Variants in PICALM observed in about 807,000 individuals in gnomAD.
The protein encoded by PICALM is phosphatidylinositol binding clathrin assembly protein.
In PICALM, 40 loss-of-function variants were observed where a neutral mutation model predicts 80.5. The observed-to-expected ratio is 0.50, with a 90% CI of 0.39 to 0.65. The LOEUF is 0.65. PICALM is among the 30% of genes least tolerant of loss of function. PICALM has a pLI of 0.00. For synonymous variants in PICALM, 288 were observed against 260.3 expected, an observed-to-expected ratio of 1.11 and a Z score of -1.02; for missense variants, 676 against 778.9, an observed-to-expected ratio of 0.87 and a Z score of 1.57.
intron 19 of PICALM, chr11:85,960,532 C>T: frequency 2.8e-6 from 1 of 356,434 alleles, no homozygotes; most frequent in Non-Finnish European, 5.3e-6. Context: ...TCATTCTGCA[C>T]CTAAAGAATA....
rs548808584 is a variant in PICALM at position 86,039,775 on chromosome 11, G to A, written c.131-8164C>T. 4.6e-5 allele frequency among the ~76,000 whole-genome samples: 7 copies of A among 152,070 alleles called. No individual in the cohort carries two copies. In the South Asian group the frequency reaches 1.2e-3, roughly 27 times the overall value. On this transcript the variant is annotated intron_variant, in intron 1 of 19. Transcript: ENST00000393346. ...CAAAATCATTTTGGGAGGCCGAGGC[G>A]GGCAGATCACGAGGTCAGGAGAGCG...
chr11:85,987,433 T>C (rs2094606518), intron 13 of PICALM, among the ~76,000 whole-genome samples: 1 of 152,216 alleles, frequency 6.6e-6, no homozygotes, highest in African/African-American at 2.4e-5. Flanking sequence ...ATAACTATTA[T>C]TAAAAACAAC....
At chr11:86,026,230 TG>T in intron 3 of PICALM, 61 bp downstream of exon 3, 2 of 877,162 alleles carry the variant, frequency 2.3e-6, no homozygotes, top group South Asian at 1.4e-5. Context: ...AGTTCTACTC[TG>T]GAGTAATCAT....
At chr11:85,988,191 A>G (rs1193167667) in intron 13 of PICALM, among the ~76,000 whole-genome samples, 1 of 152,232 alleles carries the variant, frequency 6.6e-6, no homozygotes. Context: ...ATATGTGGAA[A>G]GACATAGATA....
intron 17 of PICALM, 91 bp from the exon 18 acceptor site, chr11:85,976,773 A>C (rs2094296243): frequency 5.4e-6 from 4 of 743,442 alleles, no homozygotes; most frequent in Non-Finnish European, 9.7e-6. Flanking sequence ...TCCACTAAAA[A>C]GAATTGCTAA....
chr11:85,994,280 G>A (rs1367875688), intron 12 of PICALM, among the ~76,000 whole-genome samples: 1 of 152,092 alleles, frequency 6.6e-6, no homozygotes, highest in Non-Finnish European at 1.5e-5. Flanking sequence ...TGCTTGTTTA[G>A]ACTCCACAAC....
At chr11:86,065,459 GTTTTT>G (rs1298920411) in intron 1 of PICALM, among the ~76,000 whole-genome samples, 1 of 149,372 alleles carries the variant, frequency 6.7e-6, no homozygotes, top group Non-Finnish European at 1.5e-5. Context: ...AAAAAAATTT[GTTTTT>G]TCTATCCTGC....
chr11:85,968,766 G>T (rs965784192), intron 19 of PICALM, among the ~76,000 whole-genome samples: 1 of 151,988 alleles, frequency 6.6e-6, no homozygotes, highest in Non-Finnish European at 1.5e-5. Context: ...GCACAGAAGA[G>T]AAACAAAAGG....
chr11:86,062,049 GA>G (rs1449916188), intron 1 of PICALM, among the ~76,000 whole-genome samples: 1 of 152,162 alleles, frequency 6.6e-6, no homozygotes, highest in Non-Finnish European at 1.5e-5. Context: ...ATGACATCTT[GA>G]AAAGGCAAAA....
rs765260263 is a variant in PICALM, at chr11:85,958,307, G to T, written c.*739C>A. 1 of 213,164 alleles carries T rather than the reference G, an allele frequency of 4.7e-6. No individual in the cohort carries two copies. The highest frequency in any genetic ancestry group is 9.5e-6 in the Non-Finnish European group (1 of 105,138). The allele number at this position is 213,164 out of a possible 1,614,324, so 13.2% of individuals were successfully genotyped here. A position where few individuals can be genotyped will look rare whatever the true frequency, so the allele number is the denominator to read the frequency against. On this transcript the variant is annotated 3_prime_UTR_variant, in exon 20 of 20. Transcript: ENST00000393346. ...TGCTTCCCTAAATCCCACAGAGGCC[G>T]AGAATTCTTAAGAGATTCAGACCTA...
At chr11:86,029,193 T>C (rs1430283428) in intron 2 of PICALM, among the ~76,000 whole-genome samples, 2 of 151,862 alleles carry the variant, frequency 1.3e-5, no homozygotes, top group African/African-American at 4.8e-5. Context: ...TTACCTACTA[T>C]ATACCAGCAG....
intron 12 of PICALM, among the ~76,000 whole-genome samples, chr11:85,991,666 TA>T (rs11310524): frequency 0.011 from 1,551 of 141,182 alleles, 17 homozygotes; most frequent in African/African-American, 0.032. Context: ...CAATTCACAC[TA>T]AAAAAAAAAA....
At chr11:86,058,907 A>T (rs2096310767) in intron 1 of PICALM, among the ~76,000 whole-genome samples, 1 of 152,144 alleles carries the variant, frequency 6.6e-6, no homozygotes, top group South Asian at 2.1e-4. Flanking sequence ...TTACATTCCT[A>T]ATTTCAAGAA....
At chr11:86,008,199 C>T (rs146406467) in intron 7 of PICALM, among the ~76,000 whole-genome samples, 4 of 152,214 alleles carry the variant, frequency 2.6e-5, no homozygotes, top group Admixed American at 6.5e-5. Flanking sequence ...AAGATAGAAA[C>T]GGTTCCTGTG....
intron 7 of PICALM, 75 bp from the exon 8 acceptor site, chr11:86,007,658 C>T (rs1321328365): frequency 1.6e-5 from 8 of 497,480 alleles, no homozygotes; most frequent in South Asian, 6.9e-5. Context: ...AATGACATCA[C>T]GGCTAGTACC....
chr11:85,983,585 T>C (rs540491236), intron 14 of PICALM, among the ~76,000 whole-genome samples: 9 of 152,300 alleles, frequency 5.9e-5, no homozygotes, highest in East Asian at 3.9e-4. Context: ...CATCTACACA[T>C]AGTCACAAGC....
At chr11:85,991,135 A>G (rs970751700) in intron 12 of PICALM, among the ~76,000 whole-genome samples, 1 of 152,226 alleles carries the variant, frequency 6.6e-6, no homozygotes, top group Admixed American at 6.5e-5. Context: ...TAATTATTAT[A>G]CTGATACCTT....
chr11:86,051,915 C>G (rs2096195359), intron 1 of PICALM, among the ~76,000 whole-genome samples: 1 of 152,122 alleles, frequency 6.6e-6, no homozygotes, highest in Admixed American at 6.5e-5. Context: ...GAAAATAAAG[C>G]CAATAAGACT....
intron 1 of PICALM, among the ~76,000 whole-genome samples, chr11:86,052,838 ACC>A (rs769160067): frequency 1.7e-4 from 26 of 152,192 alleles, no homozygotes; most frequent in Non-Finnish European, 3.2e-4. Flanking sequence ...TTCTCATTGC[ACC>A]CAACCTGTCC....
Sources: gnomAD v4.1 joint callset for allele counts (sites outside exome capture counted in the v4.1 genomes callset) on GRCh38, gnomAD v4.1.1 for gene constraint, MANE v1.5 for transcripts, NCBI Gene and HGNC (gene_info 2026-07-23, HGNC 2026-07-21) for gene names.